Variants in MAP3K11 observed in about 807,000 individuals in gnomAD.
MAP3K11 encodes mitogen-activated protein kinase kinase kinase 11, also known as SH3 domain-containing proline-rich kinase.
MAP3K11 carries 46 observed loss-of-function variants against 84.9 expected under a neutral mutation model. The ratio of observed to expected loss-of-function variants is 0.54; its 90% CI spans 0.43 to 0.69. The LOEUF (loss-of-function observed/expected upper bound fraction) is 0.69, where lower values mean the gene tolerates loss of function less well. Ranked by LOEUF, MAP3K11 falls within the 30% of genes least tolerant of loss-of-function variation. The pLI, the probability that MAP3K11 is intolerant of heterozygous loss-of-function variation, is 0.00. For missense variants in MAP3K11, 1,053 were observed against 1,198.3 expected, an observed-to-expected ratio of 0.88 and a Z score of 1.79; for synonymous variants, 527 against 514.7, an observed-to-expected ratio of 1.02 and a Z score of -0.32.
chr11:65,605,702 C>G (rs545689223), intron 8 of MAP3K11, 59 bp downstream of exon 8: 1 of 1,357,520 alleles, frequency 7.4e-7, no homozygotes, highest in Non-Finnish European at 1.0e-6. Flanking sequence ...TTGTGGCCTC[C>G]CCAAGGTGCC....
chr11:65,604,608 T>C (rs549623992), intron 8 of MAP3K11, among the ~76,000 whole-genome samples: 10 of 152,306 alleles, frequency 6.6e-5, no homozygotes, highest in Admixed American at 3.3e-4. Context: ...TGTTGTAAAA[T>C]GCAGGCCAAT....
intron 8 of MAP3K11, among the ~76,000 whole-genome samples, chr11:65,604,723 G>GAAAGA (rs1285842503): frequency 1.3e-5 from 2 of 150,458 alleles, no homozygotes; most frequent in African/African-American, 5.0e-5. Context: ...AAGAGGCGAT[G>GAAAGA]GGCTGGGTGG....
At chr11:65,602,438 G>C (rs1854466122) in intron 8 of MAP3K11, among the ~76,000 whole-genome samples, 1 of 152,106 alleles carries the variant, frequency 6.6e-6, no homozygotes. Flanking sequence ...TTGAGGTCAG[G>C]AGTTCGGGAC....
chr11:65,613,927 G>A lies in MAP3K11; in HGVS notation c.-171C>T, dbSNP rs1854619041. 2 of 811,448 alleles carry A rather than the reference G, an allele frequency of 2.5e-6. No homozygotes were observed. The highest frequency in any genetic ancestry group is 3.7e-6 in the Non-Finnish European group (2 of 538,966). The allele number at this position is 811,448 out of a possible 1,614,324, so 50.3% of individuals were successfully genotyped here. Reference sequence around the variant, plus strand: ...CAGGAGTGTTGTCTCCCGGCCCCCCGCATCTCGGGCTTCTGGAGGAGGGCA... The same window carrying A: ...CAGGAGTGTTGTCTCCCGGCCCCCCACATCTCGGGCTTCTGGAGGAGGGCA... On this transcript the variant is annotated 5_prime_UTR_variant, in exon 1 of 10. Transcript: ENST00000309100.
chr11:65,608,177 T>C, intron 2 of MAP3K11, 91 bp downstream of exon 2: 1 of 1,592,032 alleles, frequency 6.3e-7, no homozygotes. Context: ...TGGGTCCCTG[T>C]CCCTGGACTT....
At chr11:65,610,222 G>A (rs1436373334) in intron 1 of MAP3K11, 8 of 152,226 alleles carry the variant, frequency 5.3e-5, no homozygotes, top group Non-Finnish European at 1.0e-4. Flanking sequence ...GGCATGCCCA[G>A]TAGATTTTCC....
Position 65,613,627 on chromosome 11 carries a change from G to A in MAP3K11, c.130C>T (p.Pro44Ser). The change falls in exon 1 of 10, where the codon CCG (proline) becomes TCG (serine). Residue 44 changes from proline to serine, a missense_variant. Coordinates refer to ENST00000309100, the MANE Select transcript of MAP3K11 (RefSeq NM_002419.4). ...GSPKAAGYAN[P>S]VWTALFDYEP... ...TAGTCGAACAGGGCTGTCCACACCG[G>A]GTTGGCATAACCCGCTGCCTTTGGA... 6.2e-7 allele frequency: 1 copy of A among 1,613,014 alleles called. No homozygotes were observed. The highest frequency in any genetic ancestry group is 8.5e-7 in the Non-Finnish European group (1 of 1,180,010).
intron 8 of MAP3K11, among the ~76,000 whole-genome samples, chr11:65,603,293 A>G (rs934571809): frequency 1.3e-5 from 2 of 152,238 alleles, no homozygotes; most frequent in African/African-American, 4.8e-5. Flanking sequence ...AAGAGTTAGC[A>G]ACTCTGTTGT....
chr11:65,607,238 T>A, intron 5 of MAP3K11, 32 bp downstream of exon 5: 2 of 1,441,688 alleles, frequency 1.4e-6, no homozygotes, highest in Non-Finnish European at 1.8e-6. Flanking sequence ...CCGCAGCCAA[T>A]GGCGGGGGAC....
chr11:65,605,653 A>T (rs962132222), intron 8 of MAP3K11, 108 bp downstream of exon 8: 28 of 749,898 alleles, frequency 3.7e-5, no homozygotes, highest in Non-Finnish European at 5.5e-5. Flanking sequence ...CTAGAATGAG[A>T]GCAACCAGGG....
chr11:65,605,608 G>C (rs543201238), intron 8 of MAP3K11, 153 bp downstream of exon 8: 15 of 577,322 alleles, frequency 2.6e-5, no homozygotes, highest in South Asian at 4.9e-5. Flanking sequence ...TTCCAGGATC[G>C]GCTCTGTCTT....
In MAP3K11 at chr11:65,608,462, G is replaced by A; in HGVS notation, c.740-14C>T. The stretch of plus-strand genomic sequence containing the variant: ...GCAGCAGCAAAACTAGAGAAGAGGG[G>A]CCAGATTGTGGATGCTCCAGGATCA... On this transcript the variant is annotated splice_polypyrimidine_tract_variant and intron_variant, in intron 1 of 9. Coordinates refer to ENST00000309100, the MANE Select transcript of MAP3K11 (RefSeq NM_002419.4). The A allele has an allele frequency of 6.2e-7, 1 of 1,613,412 alleles. No homozygotes were observed. Among genetic ancestry groups the A allele is most frequent in the Non-Finnish European group, 8.5e-7 (1 of 1,179,460 alleles).
intron 9 of MAP3K11, 77 bp from the exon 10 acceptor site, chr11:65,598,705 G>T: frequency 8.8e-7 from 1 of 1,134,688 alleles, no homozygotes. Flanking sequence ...CCTGCTCTGG[G>T]CCTCAGTTTC....
Position 65,613,133 on chromosome 11 carries a change from C to A in MAP3K11, c.624G>T (p.Arg208=). ...GGPLSRALAG[R]RVPPHVLVNW... is the part of the protein sequence containing the mutation. ...TGACCAGCACATGGGGAGGCACGCGCCGCCCGGCCAGAGCTCGGCTGAGGG... is the reference window on the plus strand; with the variant it reads ...TGACCAGCACATGGGGAGGCACGCGACGCCCGGCCAGAGCTCGGCTGAGGG... The change falls in exon 1 of 10, where the codon CGG becomes CGT. Residue 208 remains arginine (R), a synonymous_variant. Coordinates refer to ENST00000309100, the MANE Select transcript of MAP3K11 (RefSeq NM_002419.4). The A allele has an allele frequency of 6.3e-7, 1 of 1,589,508 alleles. No individual in the cohort carries two copies. Among genetic ancestry groups the A allele is most frequent in the Non-Finnish European group, 8.6e-7 (1 of 1,167,490 alleles).
At chr11:65,612,976 A>G (rs766684677) in intron 1 of MAP3K11, 42 bp downstream of exon 1, 1 of 1,513,386 alleles carries the variant, frequency 6.6e-7, no homozygotes, top group Admixed American at 2.3e-5. Context: ...GCAGGTGTGT[A>G]CCAGAGCCAT....
rs1466161785 is a variant in MAP3K11, at chr11:65,605,931, C to CA, written c.1739+14dup. The CA allele has an allele frequency of 6.2e-7, 1 of 1,604,320 alleles. No homozygotes were observed. Among genetic ancestry groups the CA allele is most frequent in the Non-Finnish European group, 8.5e-7 (1 of 1,177,496 alleles). ...AGCAAATGATGCTGGGTCTGGGGGG[C>CA]ACTCAGGTACTCACCTCCCATTCTG... On this transcript the variant is annotated intron_variant, in intron 7 of 9. Transcript: ENST00000309100.
chr11:65,607,321 G>A lies in MAP3K11; in HGVS notation c.1438C>T (p.Arg480Cys). The change falls in exon 5 of 10, where the codon CGC becomes TGC. Residue 480 changes from arginine to cysteine, a missense_variant. This residue lies in a region of MAP3K11 where 583 missense variants were observed against 566.6 expected (regional missense o/e 1.03). Transcript: ENST00000309100. ...HVRRRRGTFK[R>C]SKLRARDGGE... Reference sequence around the variant, plus strand: ...CCGTCGCGCGCCCGGAGCTTGCTGCGCTTGAATGTCCCGCGGCGGCGGCGC... The same window carrying A: ...CCGTCGCGCGCCCGGAGCTTGCTGCACTTGAATGTCCCGCGGCGGCGGCGC... The A allele has an allele frequency of 6.6e-7, 1 of 1,521,758 alleles. No individual in the cohort carries two copies. The highest frequency in any genetic ancestry group is 8.7e-7 in the Non-Finnish European group (1 of 1,143,758). The allele number at this position is 1,521,758 out of a possible 1,614,324, so 94.3% of individuals were successfully genotyped here. A position where few individuals can be genotyped will look rare whatever the true frequency, so the allele number is the denominator to read the frequency against.
Position 65,606,025 on chromosome 11 carries a change from C to A in MAP3K11, c.1660G>T (p.Asp554Tyr). 6.3e-7 allele frequency: 1 copy of A among 1,597,812 alleles called. No homozygotes were observed. The highest frequency in any genetic ancestry group is 1.1e-5 in the South Asian group (1 of 89,694). ...GCTCGCCGCTCTCCATTGCTTGAGT[C>A]CTCCAGACGTCGGGGGGACTGGCGG... ...WGRQSPRRLEDSSNGERRACW... is the reference protein window; with the variant it reads ...WGRQSPRRLEYSSNGERRACW... The change falls in exon 7 of 10, where the codon GAC (aspartate) becomes TAC (tyrosine). Residue 554 changes from aspartate (D) to tyrosine (Y), a missense_variant. By Grantham distance (160) the Asp-to-Tyr change is radical. Coordinates refer to ENST00000309100, the MANE Select transcript of MAP3K11 (RefSeq NM_002419.4).
In MAP3K11 at chr11:65,598,583, C is replaced by A; in HGVS notation, c.2252G>T (p.Gly751Val). 1.3e-6 allele frequency: 2 copies of A among 1,589,460 alleles called. No homozygotes were observed. Among genetic ancestry groups the A allele is most frequent in the Non-Finnish European group, 1.7e-6 (2 of 1,167,034 alleles). Residue 751 changes from glycine (G) to valine (V), a missense_variant, in exon 10 of 10, where the codon GGC (glycine) becomes GTC (valine). Gly to Val is a moderately radical substitution (Grantham distance 109). This residue lies in a region of MAP3K11 where 583 missense variants were observed against 566.6 expected (regional missense o/e 1.03). Coordinates refer to ENST00000309100, the MANE Select transcript of MAP3K11 (RefSeq NM_002419.4). ...TGGTGAACGTGGGGTGCCTGGGGTGCCAGGAGCAGAGCGTGATGTCCCCGG... is the reference window on the plus strand; with the variant it reads ...TGGTGAACGTGGGGTGCCTGGGGTGACAGGAGCAGAGCGTGATGTCCCCGG... ...PPPGTSRSAP[G>V]TPGTPRSPPL... is the part of the protein sequence containing the mutation.
Sources: allele counts gnomAD v4.1 joint callset (sites outside exome capture counted in the v4.1 genomes callset), GRCh38; gene constraint gnomAD v4.1.1; regional missense constraint gnomAD v4.1.1; transcripts MANE v1.5; gene names NCBI Gene and HGNC (gene_info 2026-07-23, HGNC 2026-07-21).